DCHS2: variants seen among roughly 807,000 people sequenced by gnomAD.
DCHS2 encodes the protein protocadherin-23.
DCHS2 carries 142 observed loss-of-function variants against 182.4 expected under a neutral mutation model. The observed-to-expected ratio is 0.78, with a 90% CI of 0.68 to 0.89. The LOEUF (loss-of-function observed/expected upper bound fraction) is 0.89. Among genes scored for constraint, DCHS2 ranks in the 40% least tolerant of loss-of-function variants. The pLI, the probability that DCHS2 is intolerant of heterozygous loss-of-function variation, is 0.00. For missense variants in DCHS2, 4,319 were observed against 4,198.6 expected (o/e 1.03, Z -0.79); for synonymous variants, 1,740 against 1,663.3 (o/e 1.05, Z -1.12).
At position 154,234,611 on chromosome 4, in the gene DCHS2, T is replaced by G. The variant is rs771128723; in HGVS notation, c.10041A>C (p.Arg3347Ser). 1 of 1,613,972 alleles carries G rather than the reference T, an allele frequency of 6.2e-7. No homozygotes were observed. Among genetic ancestry groups the G allele is most frequent in the Non-Finnish European group, 8.5e-7 (1 of 1,179,932 alleles). ...MQPPALSPLL[R>S]EGELLGTHIS... The stretch of plus-strand genomic sequence containing the variant: ...TGTGTGTTCCTAATAATTCTCCTTC[T>G]CTCAACAGTGGAGACAAGGCAGGAG... Residue 3347 changes from arginine (R) to serine (S), a missense_variant, in exon 20 of 20, where the codon AGA (arginine) becomes AGC (serine). Physicochemically the swap from Arg to Ser is moderately radical, Grantham distance 110 (BLOSUM62 -1). Transcript: ENST00000357232.
intron 13 of DCHS2, among the ~76,000 whole-genome samples, chr4:154,273,997 A>T (rs1359911331): frequency 1.3e-5 from 2 of 152,150 alleles, no homozygotes; most frequent in Non-Finnish European, 2.9e-5. Context: ...AAGGAACAGG[A>T]GCTGACATGG....
intron 1 of DCHS2, among the ~76,000 whole-genome samples, chr4:154,440,845 C>A (rs1733984617): frequency 2.0e-5 from 3 of 152,198 alleles, no homozygotes; most frequent in African/African-American, 7.2e-5. Flanking sequence ...ACCCTACACT[C>A]CTTGCCACAT....
At chr4:154,259,128 C>T (rs1337361230) in intron 15 of DCHS2, among the ~76,000 whole-genome samples, 2 of 152,098 alleles carry the variant, frequency 1.3e-5, no homozygotes, top group African/African-American at 4.8e-5. Context: ...AAAGCAGATC[C>T]GTCCACATGC....
At chr4:154,419,341 G>T (rs1196190091) in intron 1 of DCHS2, among the ~76,000 whole-genome samples, 1 of 152,086 alleles carries the variant, frequency 6.6e-6, no homozygotes, top group Non-Finnish European at 1.5e-5. Context: ...AATTTATGAG[G>T]AACTCAAGCA....
At chr4:154,253,188 A>AGTGT (rs200352701) in intron 16 of DCHS2, among the ~76,000 whole-genome samples, 4,662 of 147,372 alleles carry the variant, frequency 0.032, 233 homozygotes, top group African/African-American at 0.11. Flanking sequence ...AGAGAGAGAG[A>AGTGT]GAGAGTGTGT....
chr4:154,376,725 A>G (rs1242695743), intron 2 of DCHS2, among the ~76,000 whole-genome samples: 1 of 152,190 alleles, frequency 6.6e-6, no homozygotes, highest in Non-Finnish European at 1.5e-5. Flanking sequence ...CTCTAATGCT[A>G]GTTTATAGGA....
At chr4:154,432,136 C>T (rs1164288247) in intron 1 of DCHS2, among the ~76,000 whole-genome samples, 1 of 152,136 alleles carries the variant, frequency 6.6e-6, no homozygotes, top group East Asian at 1.9e-4. Context: ...GCATGAAGTT[C>T]TAAGAGATCA....
intron 13 of DCHS2, among the ~76,000 whole-genome samples, chr4:154,286,402 C>T (rs1734399957): frequency 6.6e-6 from 1 of 151,968 alleles, no homozygotes; most frequent in South Asian, 2.1e-4. Flanking sequence ...GATAGGTGAC[C>T]TTTCAGACAG....
intron 1 of DCHS2, among the ~76,000 whole-genome samples, chr4:154,399,257 C>CCT (rs1360019361): frequency 6.6e-6 from 1 of 152,148 alleles, no homozygotes; most frequent in Non-Finnish European, 1.5e-5. Context: ...ACCTACCCAC[C>CCT]CTCTCCCTTT....
At chr4:154,268,643 A>G (rs1448954303) in intron 14 of DCHS2, among the ~76,000 whole-genome samples, 3 of 152,150 alleles carry the variant, frequency 2.0e-5, no homozygotes, top group African/African-American at 4.8e-5. Flanking sequence ...CTTAATGTCT[A>G]TTTCCAGAGA....
intron 16 of DCHS2, among the ~76,000 whole-genome samples, chr4:154,247,671 A>AAAAAG (rs1560981730): frequency 7.0e-6 from 1 of 141,892 alleles, no homozygotes; most frequent in African/African-American, 2.7e-5. Flanking sequence ...AAAAAAAAAA[A>AAAAAG]AGAATTAGAA....
At chr4:154,336,856 C>T (rs1019151654) in intron 3 of DCHS2, among the ~76,000 whole-genome samples, 1 of 152,156 alleles carries the variant, frequency 6.6e-6, no homozygotes, top group Admixed American at 6.5e-5. Flanking sequence ...AGTCATTTCT[C>T]TCACAGTTCT....
chr4:154,362,747 C>T (rs561520741), intron 3 of DCHS2, among the ~76,000 whole-genome samples: 4 of 152,238 alleles, frequency 2.6e-5, no homozygotes, highest in African/African-American at 7.2e-5. Flanking sequence ...CTTCTCCTTC[C>T]TCTTCCTCCT....
chr4:154,366,107 C>A, intron 3 of DCHS2, 103 bp downstream of exon 3: 6 of 792,288 alleles, frequency 7.6e-6, no homozygotes, highest in South Asian at 1.7e-5. Context: ...CCTGCAACAC[C>A]CCCATTATTG....
chr4:154,358,452 G>T (rs556589144), intron 3 of DCHS2, among the ~76,000 whole-genome samples: 74 of 152,288 alleles, frequency 4.9e-4, no homozygotes, highest in African/African-American at 1.5e-3. Context: ...GCACCTTCAT[G>T]AGACAGTGAC....
intron 1 of DCHS2, among the ~76,000 whole-genome samples, chr4:154,382,228 T>C (rs929139642): frequency 1.3e-5 from 2 of 152,178 alleles, no homozygotes; most frequent in African/African-American, 2.4e-5. Context: ...GCTAGCCATA[T>C]ACAGAGGATT....
At chr4:154,385,357 T>C (rs1283149213) in intron 1 of DCHS2, among the ~76,000 whole-genome samples, 1 of 152,214 alleles carries the variant, frequency 6.6e-6, no homozygotes, top group African/African-American at 2.4e-5. Context: ...AAGTCTTTGC[T>C]ATTGTGAATA....
At chr4:154,464,751 T>C (rs73854789) in intron 1 of DCHS2, among the ~76,000 whole-genome samples, 1,927 of 152,236 alleles carry the variant, frequency 0.013, 46 homozygotes, top group South Asian at 0.068. Context: ...AATATCCTCT[T>C]GGTGCCCAGG....
At chr4:154,484,970 A>G (rs989005290) in intron 1 of DCHS2, among the ~76,000 whole-genome samples, 9 of 152,240 alleles carry the variant, frequency 5.9e-5, no homozygotes, top group Non-Finnish European at 1.0e-4. Flanking sequence ...CAGGTTGTAA[A>G]TAAAAATGTA....
Sources: allele counts gnomAD v4.1 joint callset (sites outside exome capture counted in the v4.1 genomes callset), GRCh38; gene constraint gnomAD v4.1.1; transcripts MANE v1.5; gene names NCBI Gene and HGNC (gene_info 2026-07-23, HGNC 2026-07-21).